The following ACTR8 variants were observed in gnomAD, a reference collection of about 807,000 sequenced individuals.
ACTR8 encodes the protein actin related protein 8.
Under a neutral mutation model 84.3 loss-of-function variants are expected in ACTR8, and 70 were observed. The observed-to-expected ratio is 0.83, with a 90% CI of 0.68 to 1.01. The LOEUF (loss-of-function observed/expected upper bound fraction) is 1.01. Ranked by LOEUF, ACTR8 falls within the 50% of genes least tolerant of loss-of-function variation. The probability of loss-of-function intolerance (pLI) is 0.00; values close to 1 mark genes in which losing one functional copy is unlikely to be tolerated. For synonymous variants in ACTR8, 268 were observed against 275.2 expected (o/e 0.97, Z 0.26); for missense variants, 672 against 775.4 (o/e 0.87, Z 1.58).
At chr3:53,871,624 C>T (rs1699885240) in intron 10 of ACTR8, 128 bp from the exon 11 acceptor site, 1 of 1,054,060 alleles carries the variant, frequency 9.5e-7, no homozygotes, top group South Asian at 1.6e-5. Flanking sequence ...AACAACTGCC[C>T]AGCACCCATT....
Position 53,868,440 on chromosome 3 carries a change from G to A in ACTR8, c.*279C>T, listed in dbSNP as rs1421475914. 4.0e-5 allele frequency: 14 copies of A among 353,178 alleles called. No homozygotes were observed. The highest frequency in any genetic ancestry group is 4.6e-5 in the Non-Finnish European group (9 of 196,510). The allele number at this position is 353,178 out of a possible 1,614,324, so 21.9% of individuals were successfully genotyped here. On this transcript the variant is annotated 3_prime_UTR_variant, in exon 13 of 13. Coordinates refer to ENST00000335754, the MANE Select transcript of ACTR8 (RefSeq NM_022899.5). The stretch of plus-strand genomic sequence containing the variant: ...CCACATGAGAACCTTCAATAGCAAC[G>A]TTTACATCACTGGGGAGTTTATGAG...
intron 12 of ACTR8, among the ~76,000 whole-genome samples, chr3:53,869,527 A>T (rs1370012820): frequency 6.6e-6 from 1 of 152,232 alleles, no homozygotes; most frequent in Non-Finnish European, 1.5e-5. Context: ...AGGAATTGTC[A>T]GTGAGATTTA....
chr3:53,869,803 T>C (rs547950164), intron 12 of ACTR8, among the ~76,000 whole-genome samples, 179 bp downstream of exon 12: 137 of 152,308 alleles, frequency 9.0e-4, no homozygotes, highest in African/African-American at 3.2e-3. Context: ...AGAAATCCAG[T>C]ACCTTAGGCC....
intron 8 of ACTR8, among the ~76,000 whole-genome samples, chr3:53,873,993 T>G (rs2107060715): frequency 6.6e-6 from 1 of 152,054 alleles, no homozygotes; most frequent in Non-Finnish European, 1.5e-5. Flanking sequence ...CCCGGCTAAT[T>G]TTTTGTATTT....
intron 1 of ACTR8, among the ~76,000 whole-genome samples, chr3:53,880,540 A>C (rs1338859899): frequency 6.6e-6 from 1 of 152,212 alleles, no homozygotes; most frequent in Non-Finnish European, 1.5e-5. Context: ...TTATACATGT[A>C]ACTCAGAGCT....
downstream of ACTR8, among the ~76,000 whole-genome samples, chr3:53,866,132 T>C (rs1047364949): frequency 6.6e-6 from 1 of 152,216 alleles, no homozygotes; most frequent in Admixed American, 6.5e-5. Context: ...CAGTGGCTCA[T>C]GCCTCCAATC....
Position 53,877,258 on chromosome 3 carries a change from G to A in ACTR8, c.640C>T (p.His214Tyr). The A allele has an allele frequency of 6.2e-7, 1 of 1,612,776 alleles. No individual in the cohort carries two copies. Among genetic ancestry groups the A allele is most frequent in the South Asian group, 1.1e-5 (1 of 90,682 alleles). ...VLADIEVIWS[H>Y]AIQKYLEIPL... ...ATTTCCAAGTATTTTTGTATCGCAT[G>A]AGACCATATTACTTCAATATCTGCC... The change falls in exon 5 of 13, where the codon CAT becomes TAT. Residue 214 changes from histidine (H) to tyrosine (Y), a missense_variant. By Grantham distance (83) the His-to-Tyr change is moderately conservative. Coordinates refer to ENST00000335754, the MANE Select transcript of ACTR8 (RefSeq NM_022899.5).
downstream of ACTR8, chr3:53,864,839 C>T: frequency 1.2e-6 from 2 of 1,614,112 alleles, no homozygotes; most frequent in Non-Finnish European, 1.7e-6. Flanking sequence ...TTCCATCACA[C>T]AATTTGTTAC....
At chr3:53,864,529 T>C (rs1699706111), downstream of ACTR8, among the ~76,000 whole-genome samples, 1 of 151,692 alleles carries the variant, frequency 6.6e-6, no homozygotes, top group Non-Finnish European at 1.5e-5. Flanking sequence ...AGTGAGACTA[T>C]GTCTCCAAAA....
chr3:53,868,715 C>A lies in ACTR8; in HGVS notation c.*4G>T. ...GGTCTTCGGCAGTGACATTTCCTCC[C>A]CATTCACCACACAAACGCAGCCCGC... On this transcript the variant is annotated 3_prime_UTR_variant, in exon 13 of 13. Transcript: ENST00000335754. 6.2e-7 allele frequency: 1 copy of A among 1,613,694 alleles called. No homozygotes were observed. The highest frequency in any genetic ancestry group is 8.5e-7 in the Non-Finnish European group (1 of 1,179,794).
At position 53,868,765 on chromosome 3, in the gene ACTR8, C is replaced by T. The variant is rs761315684; in HGVS notation, c.1829G>A (p.Arg610His). ...ELWIYQREWQ[R>H]FGVRMLRERA... ...CTCTCGTAACATGCGGACACCAAAG[C>T]GCTGCCACTCTCGCTGATAAATCCA... The change falls in exon 13 of 13, where the codon CGC becomes CAC. Residue 610 changes from arginine (R) to histidine (H), a missense_variant. By Grantham distance (29) the Arg-to-His change is conservative. Transcript: ENST00000335754. The T allele has an allele frequency of 1.1e-5, 18 of 1,614,070 alleles. No homozygotes were observed. The highest frequency in any genetic ancestry group is 3.3e-4 in the Middle Eastern group (2 of 6,084).
downstream of ACTR8, chr3:53,864,638 T>C: frequency 1.2e-6 from 1 of 828,948 alleles, no homozygotes; most frequent in Non-Finnish European, 1.9e-6. Flanking sequence ...AGGCCCTTGG[T>C]GCTCAGCTGA....
At chr3:53,873,181 T>G in intron 8 of ACTR8, 54 bp from the exon 9 acceptor site, 2 of 1,397,638 alleles carry the variant, frequency 1.4e-6, no homozygotes, top group Non-Finnish European at 2.0e-6. Context: ...ATGTAAACTC[T>G]TCAAATTATG....
In ACTR8 at chr3:53,871,269, G is replaced by C; in HGVS notation, c.1530C>G (p.Gly510=). ...TGCTATGGAGGATGGCTTTATCCAG[G>C]CCCAGGGCTTTTCCTTCAAACAGCG... is the stretch of plus-strand genomic sequence containing the variant. ...AISLFEGKAL[G]LDKAILHSID... is the part of the protein sequence containing the mutation. The change falls in exon 11 of 13, where the codon GGC becomes GGG. Residue 510 remains glycine (G), a synonymous_variant. Transcript: ENST00000335754. 1 of 1,614,204 alleles carries C rather than the reference G, an allele frequency of 6.2e-7. No homozygotes were observed. Among genetic ancestry groups the C allele is most frequent in the Non-Finnish European group, 8.5e-7 (1 of 1,180,036 alleles).
Position 53,877,337 on chromosome 3 carries a change from T to G in ACTR8, c.561A>C (p.Arg187Ser), listed in dbSNP as rs374069703. 149 of 1,613,840 alleles carry G rather than the reference T, an allele frequency of 9.2e-5. No individual in the cohort carries two copies. The highest frequency in any genetic ancestry group is 8.5e-5 in the Non-Finnish European group (100 of 1,179,944). The change falls in exon 5 of 13, where the codon AGA becomes AGC. Residue 187 changes from arginine (R) to serine (S), a missense_variant. Physicochemically the swap from Arg to Ser is moderately radical, Grantham distance 110. Transcript: ENST00000335754. ...CTGGGTGAATATTTAACTGACCTCT[T>G]CTGATAGGCCAGTGAATATTGTAAC... is the stretch of plus-strand genomic sequence containing the variant. ...LDCYNIHWPI[R>S]RGQLNIHPGP... is the part of the protein sequence containing the mutation.
Position 53,871,233 on chromosome 3 carries a change from A to G in ACTR8, c.1566T>C (p.Cys522=), listed in dbSNP as rs1167900741. ...DKAILHSIDC[C]SSDDTKKKMY... The stretch of plus-strand genomic sequence containing the variant: ...CCCGGTCTCCCCAGATGTGCTTACA[A>G]CAGCAGTCTATGCTATGGAGGATGG... Residue 522 remains cysteine (C), a splice_region_variant and synonymous_variant, in exon 11 of 13, where the codon TGT becomes TGC. Coordinates refer to ENST00000335754, the MANE Select transcript of ACTR8 (RefSeq NM_022899.5). 2.5e-6 allele frequency: 4 copies of G among 1,611,886 alleles called. No homozygotes were observed. In the Admixed American group the frequency reaches 6.7e-5, roughly 27 times the overall value.
chr3:53,873,166 A>G, intron 8 of ACTR8, 39 bp from the exon 9 acceptor site: 1 of 1,505,612 alleles, frequency 6.6e-7, no homozygotes. Context: ...AATCAGTAAG[A>G]ATGCATGTAA....
At chr3:53,872,282 T>C in intron 10 of ACTR8, 102 bp downstream of exon 10, 1 of 1,270,678 alleles carries the variant, frequency 7.9e-7, no homozygotes, top group South Asian at 2.2e-5. Flanking sequence ...ATCAGTGTTA[T>C]TATGCTGGAA....
intron 8 of ACTR8, among the ~76,000 whole-genome samples, chr3:53,873,611 TC>T (rs1334528226): frequency 6.6e-6 from 1 of 152,204 alleles, no homozygotes; most frequent in Non-Finnish European, 1.5e-5. Flanking sequence ...CCTACTATCT[TC>T]CTTACACCTA....
Sources: allele counts gnomAD v4.1 joint callset (sites outside exome capture counted in the v4.1 genomes callset), GRCh38; gene constraint gnomAD v4.1.1; transcripts MANE v1.5; gene names NCBI Gene and HGNC (gene_info 2026-07-23, HGNC 2026-07-21).